MMP24: variants seen among roughly 807,000 people sequenced by gnomAD.
MMP24 encodes the protein matrix metallopeptidase 24.
A neutral mutation model predicts 62.8 loss-of-function variants in MMP24; 25 were observed. That is an observed-to-expected ratio of 0.40 (90% confidence interval 0.29 to 0.56). The LOEUF is 0.56. MMP24 is among the 20% of genes least tolerant of loss of function. The pLI is 0.50. For missense variants in MMP24, 634 were observed against 853.6 expected (o/e 0.74, Z 3.21); for synonymous variants, 319 against 350.5 (o/e 0.91, Z 1.00).
chr20:35,240,914 A>G (rs2146206019), intron 1 of MMP24, among the ~76,000 whole-genome samples: 1 of 152,362 alleles, frequency 6.6e-6, no homozygotes, highest in South Asian at 2.1e-4. Context: ...AGACATATCC[A>G]TGACTGGGTA....
intron 5 of MMP24, among the ~76,000 whole-genome samples, chr20:35,264,868 AG>A (rs2060624806): frequency 6.6e-6 from 1 of 152,136 alleles, no homozygotes; most frequent in Admixed American, 6.5e-5. Flanking sequence ...CAGGTGAGCT[AG>A]GGAGACCAGT....
intron 2 of MMP24, among the ~76,000 whole-genome samples, chr20:35,250,405 C>T (rs2060538807): frequency 6.6e-6 from 1 of 151,862 alleles, no homozygotes; most frequent in South Asian, 2.1e-4. Context: ...ACTAAAAGTA[C>T]AAAAATTAGC....
Position 35,274,630 on chromosome 20 carries a change from T to C in MMP24, c.*21T>C, listed in dbSNP as rs374090086. ...TGTGAGCAGCCCAGAGCCCTCTCTATCCACTTGGTCTGGCCAGCCAGGCCC... is the reference window on the plus strand; with the variant it reads ...TGTGAGCAGCCCAGAGCCCTCTCTACCCACTTGGTCTGGCCAGCCAGGCCC... On this transcript the variant is annotated 3_prime_UTR_variant, in exon 9 of 9. Transcript: ENST00000246186. The surrounding 1 kb of genome is among the most constrained non-coding windows in gnomAD (Gnocchi z 5.1). 8 of 1,563,902 alleles carry C rather than the reference T, an allele frequency of 5.1e-6. No homozygotes were observed. In the African/African-American group the frequency reaches 8.1e-5, roughly 16 times the overall value.
At chr20:35,264,707 CAAAAAAAAAAAA>C (rs57309455) in intron 5 of MMP24, among the ~76,000 whole-genome samples, 132 of 43,556 alleles carry the variant, frequency 3.0e-3, no homozygotes, top group Middle Eastern at 0.067. Context: ...GACTCCGTCT[CAAAAAAAAAAAA>C]AAAAAAAAAA....
chr20:35,264,380 G>C (rs2060620336), intron 5 of MMP24, among the ~76,000 whole-genome samples: 1 of 152,048 alleles, frequency 6.6e-6, no homozygotes, highest in African/African-American at 2.4e-5. Context: ...ACTATAACCA[G>C]AGCTTTGTTC....
chr20:35,236,891 T>C (rs549711078), intron 1 of MMP24, among the ~76,000 whole-genome samples: 5 of 151,120 alleles, frequency 3.3e-5, no homozygotes, highest in African/African-American at 1.2e-4. Context: ...GGAGAATCAC[T>C]TGAACCCAGG....
chr20:35,248,308 T>TCCC (rs2060526535), intron 2 of MMP24, among the ~76,000 whole-genome samples: 8 of 135,466 alleles, frequency 5.9e-5, no homozygotes, highest in African/African-American at 2.5e-4. Context: ...CCCCCCCCCT[T>TCCC]TTTTTTTTTT....
intron 4 of MMP24, among the ~76,000 whole-genome samples, chr20:35,262,026 T>C (rs1306240665): frequency 6.6e-6 from 1 of 152,056 alleles, no homozygotes; most frequent in Non-Finnish European, 1.5e-5. Context: ...GGTCTCGAAC[T>C]CCTGACCTCA....
At chr20:35,234,757 C>T (rs1372146555) in intron 1 of MMP24, among the ~76,000 whole-genome samples, 1 of 152,166 alleles carries the variant, frequency 6.6e-6, no homozygotes, top group East Asian at 1.9e-4. Flanking sequence ...ATGAGGCTGG[C>T]AGAACCAGGC....
intron 2 of MMP24, among the ~76,000 whole-genome samples, chr20:35,248,995 C>T (rs574379395): frequency 2.6e-5 from 4 of 152,270 alleles, no homozygotes; most frequent in East Asian, 1.9e-4. Flanking sequence ...GAGGAGGCAG[C>T]GGGAATGATC....
chr20:35,228,422 T>C (rs1302643987), intron 1 of MMP24, among the ~76,000 whole-genome samples: 1 of 152,232 alleles, frequency 6.6e-6, no homozygotes, highest in East Asian at 1.9e-4. Context: ...TTATCACATG[T>C]TAAAGTAATG....
chr20:35,259,462 G>A (rs2060591824), intron 4 of MMP24, among the ~76,000 whole-genome samples: 1 of 152,196 alleles, frequency 6.6e-6, no homozygotes, highest in African/African-American at 2.4e-5. Context: ...TGGGGAGGAA[G>A]CGGTCAGTGC....
intron 4 of MMP24, among the ~76,000 whole-genome samples, chr20:35,259,735 A>AG (rs2060592889): frequency 6.6e-6 from 1 of 152,134 alleles, no homozygotes. Context: ...GGCAGAGACA[A>AG]GGTCCACTTG....
At chr20:35,243,260 G>A (rs2060497895) in intron 1 of MMP24, among the ~76,000 whole-genome samples, 1 of 152,060 alleles carries the variant, frequency 6.6e-6, no homozygotes, top group African/African-American at 2.4e-5. Flanking sequence ...TATACTTCAA[G>A]GCTTAGCTTA....
At chr20:35,267,088 G>A in intron 5 of MMP24, 117 bp from the exon 6 acceptor site, 1 of 794,118 alleles carries the variant, frequency 1.3e-6, no homozygotes, top group Non-Finnish European at 2.0e-6. Context: ...CTGGGGAGAG[G>A]GAACAGGAGG....
At chr20:35,240,533 G>A (rs1462254058) in intron 1 of MMP24, among the ~76,000 whole-genome samples, 2 of 152,088 alleles carry the variant, frequency 1.3e-5, no homozygotes, top group Non-Finnish European at 2.9e-5. Context: ...TGAAAGCAAG[G>A]TCATTCTGTC....
chr20:35,262,217 G>C (rs939821704), intron 4 of MMP24, among the ~76,000 whole-genome samples: 4 of 152,118 alleles, frequency 2.6e-5, no homozygotes, highest in African/African-American at 9.7e-5. Context: ...ACAAAGTATA[G>C]AGAAAGAAAT....
chr20:35,267,333 C>A lies in MMP24; in HGVS notation c.1108C>A (p.Pro370Thr). 1 of 1,586,638 alleles carries A rather than the reference C, an allele frequency of 6.3e-7. No homozygotes were observed. The highest frequency in any genetic ancestry group is 2.3e-5 in the East Asian group (1 of 43,174). The change falls in exon 6 of 9, where the codon CCA (proline) becomes ACA (threonine). Residue 370 changes from proline to threonine, a missense_variant. This residue lies in a region of MMP24 where 399 missense variants were observed against 530.8 expected (regional missense o/e 0.75). Transcript: ENST00000246186. ...RPPRPPLGDR[P>T]STPGTKPNIC... ...CCCTCGGCCGCCCCTCGGGGACCGG[C>A]CATCCACACCAGGCACCAAACCCAA...
chr20:35,273,123 G>A (rs957464167), intron 8 of MMP24, among the ~76,000 whole-genome samples: 1 of 152,080 alleles, frequency 6.6e-6, no homozygotes, highest in Non-Finnish European at 1.5e-5. Context: ...GGCAACAGAC[G>A]CTATAAGGGA....
Sources: allele counts gnomAD v4.1 joint callset (sites outside exome capture counted in the v4.1 genomes callset), GRCh38; gene constraint gnomAD v4.1.1; regional missense constraint gnomAD v4.1.1; non-coding constraint Gnocchi (gnomAD v3.1); transcripts MANE v1.5; gene names NCBI Gene and HGNC (gene_info 2026-07-23, HGNC 2026-07-21).